Variants in PSG5 observed in about 807,000 individuals in gnomAD.
The protein encoded by PSG5 is pregnancy-specific beta-1-glycoprotein 5.
Under a neutral mutation model 37.7 loss-of-function variants are expected in PSG5, and 53 were observed. The observed-to-expected ratio is 1.41, with a 90% CI of 1.13 to 1.77. The LOEUF (loss-of-function observed/expected upper bound fraction) is 1.77. Among genes scored for constraint, PSG5 ranks in the 40% most tolerant of loss-of-function variants. The probability of loss-of-function intolerance (pLI) is 0.00; values close to 1 mark genes in which losing one functional copy is unlikely to be tolerated. For synonymous variants in PSG5, 221 were observed against 155.4 expected (o/e 1.42, Z -3.14); for missense variants, 547 against 405.2 (o/e 1.35, Z -3.00).
rs143601448 is a variant in PSG5 at position 43,184,808 on chromosome 19, G to A, written c.404C>T (p.Thr135Ile). Residue 135 changes from threonine to isoleucine, a missense_variant, in exon 2 of 6, where the codon ACT becomes ATT. Thr to Ile is a moderately conservative substitution (Grantham distance 89, BLOSUM62 -1). Transcript: ENST00000342951. The stretch of plus-strand genomic sequence containing the variant: ...GTATAAGTTGAAGGTGAAATATCCA[G>A]TTACTCCTCTAGTCCTATCACCTCG... ...IKRGDRTRGVTGYFTFNLYLK... is the reference protein window; with the variant it reads ...IKRGDRTRGVIGYFTFNLYLK... 63 of 1,612,230 alleles carry A rather than the reference G, an allele frequency of 3.9e-5. 2 individuals are homozygous for A. In the African/African-American group the frequency reaches 8.2e-4, roughly 21 times the overall value.
chr19:43,186,513 C>G lies in PSG5; in HGVS notation c.-108G>C. On this transcript the variant is annotated 5_prime_UTR_variant, in exon 1 of 6. Transcript: ENST00000342951. ...TCCTTCCTCCTTCTGTGCTGAGCCT[C>G]TCTCCAGGGCAGGAGCACTTCTCAG... 6.5e-7 allele frequency: 1 copy of G among 1,530,652 alleles called. No individual in the cohort carries two copies. The highest frequency in any genetic ancestry group is 8.8e-7 in the Non-Finnish European group (1 of 1,133,074). 94.8% of individuals were successfully genotyped at this position (1,530,652 alleles called of 1,614,324 possible). A position where few individuals can be genotyped will look rare whatever the true frequency, so the allele number is the denominator to read the frequency against.
At position 43,175,303 on chromosome 19, in the gene PSG5, A is replaced by C; in HGVS notation, c.876T>G (p.Thr292=). The change falls in exon 4 of 6, where the codon ACT becomes ACG. Residue 292 remains threonine (T), a synonymous_variant. Coordinates refer to ENST00000342951, the MANE Select transcript of PSG5 (RefSeq NM_002781.4). The part of the protein sequence containing the change: ...SGQKLSIPQI[T]TKHRGLYTCS... ...AAGTATAGAGCCCTCTATGCTTTGT[A>C]GTAATTTGGGGGATAGAGAGCTTTT... 1.9e-6 allele frequency: 3 copies of C among 1,612,788 alleles called. No homozygotes were observed. The highest frequency in any genetic ancestry group is 2.5e-6 in the Non-Finnish European group (3 of 1,179,232).
At chr19:43,181,418 G>C (rs1969125521) in intron 2 of PSG5, among the ~76,000 whole-genome samples, 1 of 151,610 alleles carries the variant, frequency 6.6e-6, no homozygotes, top group South Asian at 2.1e-4. Context: ...CCAGCTGTGT[G>C]CAGTCTACCA....
At chr19:43,179,015 G>A (rs1969070954) in intron 2 of PSG5, 7 of 1,612,614 alleles carry the variant, frequency 4.3e-6, no homozygotes, top group East Asian at 2.2e-5. Context: ...GCTGCAACCT[G>A]TGAGTCATAG....
In PSG5 at chr19:43,175,443, G is replaced by C; in HGVS notation, c.736C>G (p.Pro246Ala). 1 of 1,611,714 alleles carries C rather than the reference G, an allele frequency of 6.2e-7. No individual in the cohort carries two copies. The highest frequency in any genetic ancestry group is 1.1e-5 in the South Asian group (1 of 90,962). The change falls in exon 4 of 6, where the codon CCT (proline) becomes GCT (alanine). Residue 246 changes from proline to alanine, a missense_variant. Coordinates refer to ENST00000342951, the MANE Select transcript of PSG5 (RefSeq NM_002781.4). ...CCTGAACGGTAATAGGTGAATGAAG[G>C]GTAAATGCTGGGGAGGTCTGGACCA... is the stretch of plus-strand genomic sequence containing the variant. Reference protein sequence around the residue: ...LYGPDLPSIYPSFTYYRSGEN... With the variant: ...LYGPDLPSIYASFTYYRSGEN...
chr19:43,179,749 T>C (rs1330845484), intron 2 of PSG5, among the ~76,000 whole-genome samples: 1 of 151,602 alleles, frequency 6.6e-6, no homozygotes, highest in African/African-American at 2.4e-5. Context: ...GTGGCGCAGT[T>C]TTCCCAGGTG....
intron 4 of PSG5, 71 bp from the exon 5 acceptor site, chr19:43,170,209 G>C: frequency 1.6e-6 from 2 of 1,285,422 alleles, no homozygotes; most frequent in African/African-American, 1.5e-5. Context: ...TCAGGAAGAG[G>C]CATGTAGCAT....
intron 2 of PSG5, among the ~76,000 whole-genome samples, chr19:43,179,487 G>A (rs995466433): frequency 6.6e-6 from 1 of 151,686 alleles, no homozygotes; most frequent in African/African-American, 2.4e-5. Flanking sequence ...CCACCTTGTG[G>A]TCCTCACTTG....
chr19:43,186,205 T>A, intron 1 of PSG5, 137 bp downstream of exon 1: 1 of 1,454,050 alleles, frequency 6.9e-7, no homozygotes, highest in South Asian at 1.2e-5. Flanking sequence ...CTTGAACTCC[T>A]GATCTCATAA....
chr19:43,180,988 T>G (rs1442919416), intron 2 of PSG5, among the ~76,000 whole-genome samples: 1 of 151,730 alleles, frequency 6.6e-6, no homozygotes, highest in Admixed American at 6.6e-5. Flanking sequence ...GTGAAATGCT[T>G]TCTTCATTTT....
intron 5 of PSG5, among the ~76,000 whole-genome samples, chr19:43,169,813 C>T (rs1445497024): frequency 6.6e-6 from 1 of 151,492 alleles, no homozygotes; most frequent in South Asian, 2.1e-4. Context: ...AATTGTGTTT[C>T]TCATTTGAAT....
At chr19:43,183,682 T>C (rs2122240013) in intron 2 of PSG5, among the ~76,000 whole-genome samples, 1 of 151,478 alleles carries the variant, frequency 6.6e-6, no homozygotes, top group Admixed American at 6.6e-5. Context: ...CTCTCACTCC[T>C]CTGAGGTTTA....
rs1245071090 is a variant in PSG5, at chr19:43,167,910, A to C, written c.*334T>G. 1.3e-5 allele frequency: 5 copies of C among 378,510 alleles called. No homozygotes were observed. The highest frequency in any genetic ancestry group is 2.4e-5 in the Non-Finnish European group (5 of 205,420). 23.4% of individuals were successfully genotyped at this position (378,510 alleles called of 1,614,324 possible). A position where few individuals can be genotyped will look rare whatever the true frequency, so the allele number is the denominator to read the frequency against. On this transcript the variant is annotated 3_prime_UTR_variant, in exon 6 of 6. Coordinates refer to ENST00000342951, the MANE Select transcript of PSG5 (RefSeq NM_002781.4). Reference sequence around the variant, plus strand: ...AAAAAGTTCATAAATCTGGAGAATAAAACATTCAAAGAATCAGCACATTTT... The same window carrying C: ...AAAAAGTTCATAAATCTGGAGAATACAACATTCAAAGAATCAGCACATTTT...
chr19:43,176,118 T>C lies in PSG5; in HGVS notation c.461A>G (p.Asn154Ser), dbSNP rs1969005993. 9 of 1,611,306 alleles carry C rather than the reference T, an allele frequency of 5.6e-6. No individual in the cohort carries two copies. In the East Asian group the frequency reaches 2.0e-4, roughly 36 times the overall value. Residue 154 changes from asparagine to serine, a missense_variant, in exon 3 of 6, where the codon AAC (asparagine) becomes AGC (serine). Coordinates refer to ENST00000342951, the MANE Select transcript of PSG5 (RefSeq NM_002781.4). ...CTTATTCTCCCTGGGTTTTGAGTTGTTGATGGTGATGTAGGGCTTGGGCAG... is the reference window on the plus strand; with the variant it reads ...CTTATTCTCCCTGGGTTTTGAGTTGCTGATGGTGATGTAGGGCTTGGGCAG... ...LKLPKPYITI[N>S]NSKPRENKDV...
chr19:43,178,730 T>C, intron 2 of PSG5: 1 of 1,546,054 alleles, frequency 6.5e-7, no homozygotes, highest in Non-Finnish European at 8.9e-7. Flanking sequence ...GCCTACTCTG[T>C]TTTGCCTGGG....
chr19:43,175,661 T>TC, intron 3 of PSG5, 192 bp from the exon 4 acceptor site: 2 of 1,384,630 alleles, frequency 1.4e-6, no homozygotes, highest in South Asian at 2.9e-5. Flanking sequence ...TGACACAAAG[T>TC]CTCCCATGAC....
At chr19:43,184,482 G>C (rs535581327) in intron 2 of PSG5, among the ~76,000 whole-genome samples, 1 of 151,626 alleles carries the variant, frequency 6.6e-6, no homozygotes, top group Non-Finnish European at 1.5e-5. Context: ...TCTTTCTCAG[G>C]GTCAAATTTA....
At position 43,184,315 on chromosome 19, in the gene PSG5, T is replaced by C. The variant is rs1402466721; in HGVS notation, c.430+467A>G. Among the ~76,000 whole-genome samples the C allele has an allele frequency of 2.0e-5, 3 of 151,604 alleles. 1 individual carries two copies. Among genetic ancestry groups the C allele is most frequent in the African/African-American group, 4.9e-5 (2 of 41,138 alleles). ...GTAAATTCTTGGTCCCAGTAAGGCC[T>C]GCCCAATAAGCCACAACCCAGCACT... is the stretch of plus-strand genomic sequence containing the variant. On this transcript the variant is annotated intron_variant, in intron 2 of 5. Transcript: ENST00000342951.
intron 4 of PSG5, chr19:43,171,310 G>C (rs551592741): frequency 2.6e-5 from 4 of 151,760 alleles, no homozygotes; most frequent in African/African-American, 9.7e-5. Context: ...ACATTTAAAA[G>C]AATGGTATGA....
Sources: allele counts gnomAD v4.1 joint callset (sites outside exome capture counted in the v4.1 genomes callset), GRCh38; gene constraint gnomAD v4.1.1; transcripts MANE v1.5; gene names NCBI Gene and HGNC (gene_info 2026-07-23, HGNC 2026-07-21).